Variants in SH3RF1 observed in about 807,000 individuals in gnomAD.
SH3RF1 encodes SH3 domain containing ring finger 1, also known as E3 ubiquitin-protein ligase SH3RF1.
A neutral mutation model predicts 74.0 loss-of-function variants in SH3RF1; 32 were observed. That is an observed-to-expected ratio of 0.43 (90% CI 0.33 to 0.58). The LOEUF (loss-of-function observed/expected upper bound fraction) is 0.58. Ranked by LOEUF, SH3RF1 falls within the 20% of genes least tolerant of loss-of-function variation. The pLI is 0.05. For missense variants in SH3RF1, 954 were observed against 1,130.9 expected, an observed-to-expected ratio of 0.84 and a Z score of 2.24; for synonymous variants, 396 against 439.6, an observed-to-expected ratio of 0.90 and a Z score of 1.24.
chr4:169,155,686 T>C, intron 3 of SH3RF1, 111 bp from the exon 4 acceptor site: 1 of 772,966 alleles, frequency 1.3e-6, no homozygotes, highest in Non-Finnish European at 2.2e-6. Flanking sequence ...AGTACATGAA[T>C]AAAAATGCTA....
Position 169,106,957 on chromosome 4 carries a change from A to G in SH3RF1, c.2388T>C (p.His796=), listed in dbSNP as rs748676238. Residue 796 remains histidine (H), a synonymous_variant, in exon 11 of 12, where the codon CAT becomes CAC. Coordinates refer to ENST00000284637, the MANE Select transcript of SH3RF1 (RefSeq NM_020870.4). ...AGAALAQDAF[H]RKASSLDSAV... is the part of the protein sequence containing the mutation. Reference sequence around the variant, plus strand: ...CGGAGTCCAGGGAACTTGCCTTCCTATGAAAAGCATCCTGGGCCAGGGCTG... The same window carrying G: ...CGGAGTCCAGGGAACTTGCCTTCCTGTGAAAAGCATCCTGGGCCAGGGCTG... The G allele has an allele frequency of 6.2e-6, 10 of 1,613,770 alleles. No individual in the cohort carries two copies. In the East Asian group the frequency reaches 6.7e-5, roughly 11 times the overall value.
chr4:169,193,073 G>T (rs1267590492), intron 2 of SH3RF1, among the ~76,000 whole-genome samples: 1 of 152,048 alleles, frequency 6.6e-6, no homozygotes, highest in East Asian at 1.9e-4. Flanking sequence ...TTATAAGTGG[G>T]AGCTAAGCTA....
At chr4:169,231,957 G>A (rs1400544770) in intron 2 of SH3RF1, among the ~76,000 whole-genome samples, 1 of 152,190 alleles carries the variant, frequency 6.6e-6, no homozygotes, top group Non-Finnish European at 1.5e-5. Context: ...TCCTCTAATG[G>A]AGACATATTC....
At chr4:169,268,592 A>G (rs1288058808) in intron 2 of SH3RF1, among the ~76,000 whole-genome samples, 2 of 152,248 alleles carry the variant, frequency 1.3e-5, no homozygotes, top group Non-Finnish European at 2.9e-5. Flanking sequence ...ATCTTAAAAG[A>G]TAACAGAGAC....
chr4:169,130,239 C>T (rs997081740), intron 5 of SH3RF1, 83 bp from the exon 6 acceptor site: 1 of 963,384 alleles, frequency 1.0e-6, no homozygotes, highest in Non-Finnish European at 1.4e-6. Context: ...AAAGGCAAGT[C>T]ACATTAAAAA....
chr4:169,251,398 C>G lies in SH3RF1; in HGVS notation c.393+17422G>C, dbSNP rs574470589. 8.5e-5 allele frequency among the ~76,000 whole-genome samples: 13 copies of G among 152,296 alleles called. 1 individual carries two copies. In the South Asian group the frequency reaches 2.5e-3, roughly 29 times the overall value. On this transcript the variant is annotated intron_variant, in intron 2 of 11. Transcript: ENST00000284637. ...GAGTATTGTTTCAGATAATCTCAGT[C>G]AAGCAGCCTTAAAATCGTGCACAAA...
chr4:169,235,426 A>G (rs1438958911), intron 2 of SH3RF1, among the ~76,000 whole-genome samples: 2 of 152,172 alleles, frequency 1.3e-5, no homozygotes, highest in Non-Finnish European at 2.9e-5. Flanking sequence ...AGTCCCTTCC[A>G]TGATATGATA....
In SH3RF1 at chr4:169,107,131, T is replaced by C; in HGVS notation, c.2214A>G (p.Ala738=). 10 of 1,609,482 alleles carry C rather than the reference T, an allele frequency of 6.2e-6. No individual in the cohort carries two copies. Among genetic ancestry groups the C allele is most frequent in the Non-Finnish European group, 6.8e-6 (8 of 1,176,972 alleles). The change falls in exon 11 of 12, where the codon GCA becomes GCG. Residue 738 remains alanine, a synonymous_variant. Coordinates refer to ENST00000284637, the MANE Select transcript of SH3RF1 (RefSeq NM_020870.4). ...TKRKPRVSPP[A]SPTLEVELGS... ...CCAGCTCCACTTCTAGGGTGGGCGA[T>C]GCTGGAGGAGACACGCGGGGCTTCC...
Position 169,117,667 on chromosome 4 carries a change from C to T in SH3RF1, c.1633G>A (p.Gly545Arg), listed in dbSNP as rs772046056. 2 of 1,614,196 alleles carry T rather than the reference C, an allele frequency of 1.2e-6. No individual in the cohort carries two copies. Among genetic ancestry groups the T allele is most frequent in the Non-Finnish European group, 1.7e-6 (2 of 1,180,048 alleles). The change falls in exon 9 of 12, where the codon GGA becomes AGA. Residue 545 changes from glycine (G) to arginine (R), a missense_variant. By Grantham distance (125) the Gly-to-Arg change is moderately radical. Coordinates refer to ENST00000284637, the MANE Select transcript of SH3RF1 (RefSeq NM_020870.4). ...CTGGGACTCCCAGCCACGCCATTTC[C>T]CTGGAGCTTCTGGGCAGGCCCTCCT... is the stretch of plus-strand genomic sequence containing the variant. The part of the protein sequence containing the change: ...TAGGPAQKLQ[G>R]NGVAGSPSVV...
chr4:169,143,179 A>G lies in SH3RF1; in HGVS notation c.766-6559T>C, dbSNP rs1162059728. ...CACTATGCAACTGAAATATAATATG[A>G]GCCACACTTGGAATTTAGATTTTTT... On this transcript the variant is annotated intron_variant, in intron 4 of 11. Transcript: ENST00000284637. 2.0e-5 allele frequency among the ~76,000 whole-genome samples: 3 copies of G among 152,354 alleles called. No individual in the cohort carries two copies. The East Asian group carries it at 5.8e-4, about 29-fold the overall frequency.
chr4:169,183,933 C>T (rs1045971574), intron 2 of SH3RF1, among the ~76,000 whole-genome samples: 1 of 152,214 alleles, frequency 6.6e-6, no homozygotes, highest in Admixed American at 6.5e-5. Flanking sequence ...ATAAAGCTGA[C>T]AGACTGTCTC....
chr4:169,156,865 T>C (rs1432621081), intron 2 of SH3RF1, among the ~76,000 whole-genome samples, 186 bp from the exon 3 acceptor site: 1 of 152,192 alleles, frequency 6.6e-6, no homozygotes, highest in Non-Finnish European at 1.5e-5. Flanking sequence ...CAATTGTCCA[T>C]AGTGACATAA....
At chr4:169,209,792 CTTTCT>C (rs1730327838) in intron 2 of SH3RF1, among the ~76,000 whole-genome samples, 1 of 151,968 alleles carries the variant, frequency 6.6e-6, no homozygotes, top group South Asian at 2.1e-4. Context: ...TCTTCATGCC[CTTTCT>C]TTTATTTTTG....
intron 10 of SH3RF1, among the ~76,000 whole-genome samples, chr4:169,109,902 C>T (rs970142414): frequency 2.6e-5 from 4 of 151,250 alleles, no homozygotes; most frequent in South Asian, 2.1e-4. Context: ...CCATCTACTC[C>T]GGAGCCTGAG....
intron 2 of SH3RF1, among the ~76,000 whole-genome samples, chr4:169,254,324 C>T (rs1342363279): frequency 6.6e-6 from 1 of 152,174 alleles, no homozygotes; most frequent in Non-Finnish European, 1.5e-5. Flanking sequence ...TTCCTTATAA[C>T]TTGGTACAGG....
At chr4:169,257,577 A>G (rs143322875) in intron 2 of SH3RF1, among the ~76,000 whole-genome samples, 5 of 152,332 alleles carry the variant, frequency 3.3e-5, no homozygotes, top group Non-Finnish European at 5.9e-5. Flanking sequence ...CTCTTTCAGC[A>G]TAATAAATGC....
At chr4:169,214,815 C>T (rs1730436662) in intron 2 of SH3RF1, among the ~76,000 whole-genome samples, 2 of 152,038 alleles carry the variant, frequency 1.3e-5, no homozygotes, top group South Asian at 4.1e-4. Context: ...ATCCTTCAAC[C>T]TTGCTAATTG....
chr4:169,261,512 C>T (rs1336858589), intron 2 of SH3RF1, among the ~76,000 whole-genome samples: 1 of 151,942 alleles, frequency 6.6e-6, no homozygotes, highest in Non-Finnish European at 1.5e-5. Context: ...CTTTCAGCCA[C>T]CCCTCCTACA....
Position 169,129,959 on chromosome 4 carries a change from C to A in SH3RF1, c.1179+87G>T, listed in dbSNP as rs1399144213. ...ACCTCACCTAACAAGTATGAACATA[C>A]GCTGCAGGTGTTAGGAGGTGGAGTG... On this transcript the variant is annotated intron_variant, in intron 6 of 11. Transcript: ENST00000284637. 5 of 958,254 alleles carry A rather than the reference C, an allele frequency of 5.2e-6. No homozygotes were observed. The East Asian group carries it at 1.1e-4, about 20-fold the overall frequency. 59.4% of individuals were successfully genotyped at this position (958,254 alleles called of 1,614,324 possible).
Sources: gnomAD v4.1 joint callset for allele counts (sites outside exome capture counted in the v4.1 genomes callset) on GRCh38, gnomAD v4.1.1 for gene constraint, MANE v1.5 for transcripts, NCBI Gene and HGNC (gene_info 2026-07-23, HGNC 2026-07-21) for gene names.